Variants in HMBOX1 observed in about 807,000 individuals in gnomAD.
The protein encoded by HMBOX1 is homeobox containing 1.
A neutral mutation model predicts 54.5 loss-of-function variants in HMBOX1; 14 were observed. The ratio of observed to expected loss-of-function variants is 0.26; its 90% CI spans 0.17 to 0.40. The LOEUF (loss-of-function observed/expected upper bound fraction) is 0.40. Among genes scored for constraint, HMBOX1 ranks in the 10% least tolerant of loss-of-function variants. HMBOX1 has a pLI of 1.00. For synonymous variants in HMBOX1, 160 were observed against 181.0 expected, an observed-to-expected ratio of 0.88 and a Z score of 0.93; for missense variants, 332 against 514.4, an observed-to-expected ratio of 0.65 and a Z score of 3.43.
At chr8:29,006,825 T>C (rs1302587406) in intron 4 of HMBOX1, among the ~76,000 whole-genome samples, 2 of 152,196 alleles carry the variant, frequency 1.3e-5, no homozygotes, top group Admixed American at 1.3e-4. Context: ...AGATTTCATA[T>C]TGGAACCAGT....
intron 1 of HMBOX1, among the ~76,000 whole-genome samples, chr8:28,905,408 A>G (rs536157637): frequency 1.3e-5 from 2 of 152,366 alleles, no homozygotes; most frequent in South Asian, 4.1e-4. Flanking sequence ...CAAAAAGCCT[A>G]AAAGCATAAT....
chr8:28,944,116 A>G (rs1043365702), intron 1 of HMBOX1, among the ~76,000 whole-genome samples: 1 of 152,156 alleles, frequency 6.6e-6, no homozygotes. Context: ...TGATTTTTAC[A>G]ATATTCAGTT....
intron 1 of HMBOX1, among the ~76,000 whole-genome samples, chr8:28,929,878 A>C (rs1178004495): frequency 6.6e-6 from 1 of 152,078 alleles, no homozygotes; most frequent in Non-Finnish European, 1.5e-5. Context: ...GTGTGTTCAC[A>C]ATGTTGAATA....
At chr8:28,957,266 G>T (rs2132197511) in intron 1 of HMBOX1, among the ~76,000 whole-genome samples, 1 of 152,212 alleles carries the variant, frequency 6.6e-6, no homozygotes, top group Middle Eastern at 3.4e-3. Flanking sequence ...CAGCAATGTG[G>T]GTACAGCTGG....
At chr8:28,924,320 A>G (rs1332605098) in intron 1 of HMBOX1, among the ~76,000 whole-genome samples, 1 of 152,006 alleles carries the variant, frequency 6.6e-6, no homozygotes, top group Non-Finnish European at 1.5e-5. Flanking sequence ...CATGTTAGCC[A>G]GGATGGTCTC....
At chr8:29,050,292 T>G in intron 9 of HMBOX1, 1 of 849,138 alleles carries the variant, frequency 1.2e-6, no homozygotes, top group Non-Finnish European at 1.4e-6. Flanking sequence ...CCATCTTCAG[T>G]GCCTGACGTA....
intron 5 of HMBOX1, among the ~76,000 whole-genome samples, chr8:29,012,941 GT>G (rs1834400111): frequency 6.6e-6 from 1 of 152,076 alleles, no homozygotes; most frequent in African/African-American, 2.4e-5. Context: ...GCTCTTTAGG[GT>G]AAATGTAAAT....
chr8:28,967,013 C>T (rs981233848), intron 2 of HMBOX1, among the ~76,000 whole-genome samples: 2 of 152,192 alleles, frequency 1.3e-5, no homozygotes, highest in Non-Finnish European at 2.9e-5. Flanking sequence ...CTTTCTCCAT[C>T]GCTCTGTTCC....
chr8:28,895,491 A>G (rs1265350904), intron 1 of HMBOX1, among the ~76,000 whole-genome samples: 1 of 152,166 alleles, frequency 6.6e-6, no homozygotes, highest in Non-Finnish European at 1.5e-5. Flanking sequence ...TCTGGCCAAC[A>G]TGGCGAAACC....
At chr8:29,007,405 G>A (rs1328971375) in intron 4 of HMBOX1, among the ~76,000 whole-genome samples, 1 of 152,204 alleles carries the variant, frequency 6.6e-6, no homozygotes, top group African/African-American at 2.4e-5. Flanking sequence ...TCTTAGAAGA[G>A]GCATACAGTG....
At chr8:28,916,792 C>A (rs879493695) in intron 1 of HMBOX1, among the ~76,000 whole-genome samples, 14 of 151,724 alleles carry the variant, frequency 9.2e-5, no homozygotes, top group Non-Finnish European at 1.6e-4. Context: ...TATTCTCATT[C>A]ATTGGCCTTT....
At chr8:28,953,004 C>T (rs375349496) in intron 1 of HMBOX1, among the ~76,000 whole-genome samples, 4 of 152,118 alleles carry the variant, frequency 2.6e-5, no homozygotes, top group African/African-American at 7.2e-5. Flanking sequence ...AAGGGAAGTC[C>T]GTTAGCTGAT....
intron 1 of HMBOX1, among the ~76,000 whole-genome samples, chr8:28,893,158 CA>C (rs1046943050): frequency 1.3e-5 from 2 of 152,118 alleles, no homozygotes; most frequent in African/African-American, 4.8e-5. Flanking sequence ...CTAGTGGGAT[CA>C]AAATCATTAC....
intron 9 of HMBOX1, chr8:29,050,293 G>T: frequency 2.4e-6 from 2 of 844,246 alleles, no homozygotes; most frequent in Non-Finnish European, 2.9e-6. Context: ...CATCTTCAGT[G>T]CCTGACGTAC....
At chr8:29,046,983 A>T (rs1805663514) in intron 7 of HMBOX1, among the ~76,000 whole-genome samples, 2 of 152,238 alleles carry the variant, frequency 1.3e-5, no homozygotes, top group African/African-American at 4.8e-5. Context: ...CCCTTTCTCA[A>T]AAAAATAAAA....
intron 1 of HMBOX1, among the ~76,000 whole-genome samples, chr8:28,951,494 G>A (rs1416835066): frequency 6.6e-6 from 1 of 152,190 alleles, no homozygotes; most frequent in African/African-American, 2.4e-5. Flanking sequence ...AATATGTCAA[G>A]TAGCAATGCC....
intron 2 of HMBOX1, among the ~76,000 whole-genome samples, chr8:28,969,503 T>C (rs1827028408): frequency 6.6e-6 from 1 of 150,928 alleles, no homozygotes; most frequent in Non-Finnish European, 1.5e-5. Context: ...ACTTAAGTAT[T>C]TTTGCTGGTT....
intron 4 of HMBOX1, among the ~76,000 whole-genome samples, chr8:28,990,227 G>C (rs116910987): frequency 2.6e-5 from 4 of 152,060 alleles, no homozygotes; most frequent in Non-Finnish European, 5.9e-5. Flanking sequence ...CTTGAATAGA[G>C]TGACAAAAGC....
At chr8:29,009,643 A>ATTCTAATG in intron 5 of HMBOX1, 1 of 1,236,356 alleles carries the variant, frequency 8.1e-7, no homozygotes, top group Non-Finnish European at 1.0e-6. Flanking sequence ...TTTTTTTCTA[A>ATTCTAATG]TTCTAATGAC....
Sources: allele counts gnomAD v4.1 joint callset (sites outside exome capture counted in the v4.1 genomes callset), GRCh38; gene constraint gnomAD v4.1.1; transcripts MANE v1.5; gene names NCBI Gene and HGNC (gene_info 2026-07-23, HGNC 2026-07-21).